The following ROR2 variants were observed in gnomAD, a reference collection of about 807,000 sequenced individuals.
ROR2 encodes the protein ROR family WNT receptor 2.
ROR2 carries 33 observed loss-of-function variants against 74.9 expected under a neutral mutation model. The observed-to-expected ratio is 0.44, with a 90% CI of 0.33 to 0.59. The LOEUF is 0.59. Among genes scored for constraint, ROR2 ranks in the 20% least tolerant of loss-of-function variants. The probability of loss-of-function intolerance (pLI) is 0.02; values close to 1 mark genes in which losing one functional copy is unlikely to be tolerated. For missense variants in ROR2, 1,216 were observed against 1,313.8 expected (o/e 0.93, Z 1.15); for synonymous variants, 586 against 558.7 (o/e 1.05, Z -0.69).
intron 2 of ROR2, among the ~76,000 whole-genome samples, chr9:91,768,647 G>A (rs1313802966): frequency 6.6e-6 from 1 of 152,220 alleles, no homozygotes; most frequent in Non-Finnish European, 1.5e-5. Context: ...ACCCCTGGGA[G>A]AAAGACAGGG....
At chr9:91,843,312 G>A (rs1828838093) in intron 1 of ROR2, among the ~76,000 whole-genome samples, 1 of 152,240 alleles carries the variant, frequency 6.6e-6, no homozygotes, top group African/African-American at 2.4e-5. Context: ...AGTCAGTGGG[G>A]TCTGAGCCAG....
intron 1 of ROR2, among the ~76,000 whole-genome samples, chr9:91,936,211 T>C (rs1587859480): frequency 6.6e-6 from 1 of 152,230 alleles, no homozygotes; most frequent in African/African-American, 2.4e-5. Context: ...CAGGCACTTA[T>C]GGGTGGATGC....
chr9:91,799,420 T>C (rs748767619), intron 1 of ROR2, among the ~76,000 whole-genome samples: 41 of 152,140 alleles, frequency 2.7e-4, no homozygotes, highest in Non-Finnish European at 5.7e-4. Context: ...CCACCTTACA[T>C]TCTCCCTGCG....
chr9:91,836,927 G>A (rs575342531), intron 1 of ROR2, among the ~76,000 whole-genome samples: 1 of 152,326 alleles, frequency 6.6e-6, no homozygotes, highest in South Asian at 2.1e-4. Context: ...GCAGATTTTT[G>A]TTTGCAGCTT....
At position 91,935,438 on chromosome 9, in the gene ROR2, C is replaced by T. The variant is rs79166958; in HGVS notation, c.97+14429G>A. On this transcript the variant is annotated intron_variant, in intron 1 of 8. Coordinates refer to ENST00000375708, the MANE Select transcript of ROR2 (RefSeq NM_004560.4). Reference sequence around the variant, plus strand: ...GGGCGAGGATGGCAGCTCCTTCCTCCATTTGGTCCTAACACAGCCTCCCCA... The same window carrying T: ...GGGCGAGGATGGCAGCTCCTTCCTCTATTTGGTCCTAACACAGCCTCCCCA... Among the ~76,000 whole-genome samples the T allele has an allele frequency of 7.0e-3, 1,068 of 152,350 alleles. 7 individuals carry two copies. Among genetic ancestry groups the T allele is most frequent in the Middle Eastern group, 0.031 (9 of 294 alleles).
At chr9:91,824,721 G>C (rs1334198418) in intron 1 of ROR2, among the ~76,000 whole-genome samples, 1 of 152,154 alleles carries the variant, frequency 6.6e-6, no homozygotes, top group African/African-American at 2.4e-5. Context: ...CCATTTCCTT[G>C]ATGAGAAACA....
chr9:91,821,817 A>G (rs1355134156), intron 1 of ROR2, among the ~76,000 whole-genome samples: 2 of 152,110 alleles, frequency 1.3e-5, no homozygotes, highest in African/African-American at 4.8e-5. Flanking sequence ...CATGCCCACT[A>G]TACTATCTAC....
intron 1 of ROR2, among the ~76,000 whole-genome samples, chr9:91,853,135 C>G (rs538965926): frequency 6.6e-6 from 1 of 152,338 alleles, no homozygotes; most frequent in Non-Finnish European, 1.5e-5. Flanking sequence ...CATGAGGGGT[C>G]TGATCTATGC....
intron 1 of ROR2, among the ~76,000 whole-genome samples, chr9:91,946,355 C>A (rs1279977062): frequency 6.6e-6 from 1 of 152,208 alleles, no homozygotes; most frequent in African/African-American, 2.4e-5. Flanking sequence ...CAAGGAAGAG[C>A]CCGCCCCGAG....
chr9:91,873,452 A>G (rs112068899), intron 1 of ROR2, among the ~76,000 whole-genome samples: 11,194 of 152,214 alleles, frequency 0.074, 530 homozygotes, highest in African/African-American at 0.13. Flanking sequence ...AGCCAGGCAT[A>G]TGGTGGGCGC....
chr9:91,890,724 C>T (rs1329234535), intron 1 of ROR2, among the ~76,000 whole-genome samples: 3 of 152,156 alleles, frequency 2.0e-5, no homozygotes, highest in East Asian at 1.9e-4. Context: ...TTGGCTGGGA[C>T]GACCAGAGCA....
chr9:91,757,178 T>C, intron 3 of ROR2, 94 bp downstream of exon 3: 1 of 1,503,424 alleles, frequency 6.7e-7, no homozygotes. Context: ...TGCTGACTGG[T>C]GTGTGTTCAG....
intron 1 of ROR2, among the ~76,000 whole-genome samples, chr9:91,782,026 C>A (rs1327958069): frequency 6.6e-6 from 1 of 152,258 alleles, no homozygotes; most frequent in African/African-American, 2.4e-5. Context: ...GCCACTCAGG[C>A]AGCTGAATTG....
chr9:91,832,106 T>G (rs544477999), intron 1 of ROR2, among the ~76,000 whole-genome samples: 7 of 152,006 alleles, frequency 4.6e-5, no homozygotes, highest in African/African-American at 1.7e-4. Flanking sequence ...GGAATGGAGA[T>G]CCCCTAATGA....
At chr9:91,911,662 G>A (rs1232891834) in intron 1 of ROR2, among the ~76,000 whole-genome samples, 1 of 152,086 alleles carries the variant, frequency 6.6e-6, no homozygotes, top group East Asian at 1.9e-4. Flanking sequence ...ATTACTGCAA[G>A]CAAAAACTAC....
At chr9:91,835,520 C>T (rs959720781) in intron 1 of ROR2, among the ~76,000 whole-genome samples, 2 of 152,192 alleles carry the variant, frequency 1.3e-5, no homozygotes, top group African/African-American at 4.8e-5. Flanking sequence ...TAGATTGGAA[C>T]TCTCTCCACG....
At chr9:91,782,831 T>C (rs2118967473) in intron 1 of ROR2, among the ~76,000 whole-genome samples, 1 of 152,234 alleles carries the variant, frequency 6.6e-6, no homozygotes, top group Non-Finnish European at 1.5e-5. Flanking sequence ...TGCTTCAGAG[T>C]CTTGGAATCA....
At chr9:91,929,410 C>T (rs1364661981) in intron 1 of ROR2, among the ~76,000 whole-genome samples, 1 of 152,144 alleles carries the variant, frequency 6.6e-6, no homozygotes, top group Non-Finnish European at 1.5e-5. Context: ...TCAGCATGGA[C>T]GCCCTTGCAG....
At chr9:91,885,307 G>T (rs1210592301) in intron 1 of ROR2, among the ~76,000 whole-genome samples, 4 of 152,188 alleles carry the variant, frequency 2.6e-5, no homozygotes, top group Admixed American at 6.5e-5. Flanking sequence ...GAAGCTTTGG[G>T]GGTTGGGGGG....
Sources: allele counts gnomAD v4.1 joint callset (sites outside exome capture counted in the v4.1 genomes callset), GRCh38; gene constraint gnomAD v4.1.1; transcripts MANE v1.5; gene names NCBI Gene and HGNC (gene_info 2026-07-23, HGNC 2026-07-21).